The following LINGO2 variants were observed in gnomAD, a reference collection of about 807,000 sequenced individuals.
LINGO2 encodes leucine-rich repeat and immunoglobulin-like domain-containing nogo receptor-interacting protein 2.
LINGO2 carries 14 observed loss-of-function variants against 30.6 expected under a neutral mutation model. That is an observed-to-expected ratio of 0.46 (90% CI 0.30 to 0.72). The LOEUF is 0.72. Among genes scored for constraint, LINGO2 ranks in the 30% least tolerant of loss-of-function variants. The pLI, the probability that LINGO2 is intolerant of heterozygous loss-of-function variation, is 0.07. For synonymous variants in LINGO2, 317 were observed against 288.5 expected (o/e 1.10, Z -1.00); for missense variants, 729 against 751.7 (o/e 0.97, Z 0.35).
chr9:27,942,596 A>G, the LINGO2 span: 1 of 152,158 alleles, frequency 6.6e-6, no homozygotes, highest in Non-Finnish European at 1.5e-5. Flanking sequence ...TTGAAAACAA[A>G]AACTTTCAGG....
intron 5 of LINGO2, among the ~76,000 whole-genome samples, chr9:28,007,979 C>T (rs1353167003): frequency 6.6e-6 from 1 of 152,196 alleles, no homozygotes; most frequent in African/African-American, 2.4e-5. Context: ...GTGGCATCTT[C>T]CGCCGAGCTT....
intron 1 of LINGO2, among the ~76,000 whole-genome samples, chr9:28,491,502 G>T (rs1417556136): frequency 6.6e-6 from 1 of 152,080 alleles, no homozygotes; most frequent in Non-Finnish European, 1.5e-5. Flanking sequence ...CAGCATTTTT[G>T]GGTCACCAGT....
the LINGO2 span, among the ~76,000 whole-genome samples, chr9:29,103,040 C>T: frequency 1.3e-5 from 2 of 151,864 alleles, no homozygotes; most frequent in Admixed American, 6.6e-5. Context: ...CTTGAAGAAA[C>T]AAAACAACAG....
At chr9:28,405,569 A>G (rs1822471684) in intron 2 of LINGO2, among the ~76,000 whole-genome samples, 1 of 152,188 alleles carries the variant, frequency 6.6e-6, no homozygotes, top group African/African-American at 2.4e-5. Context: ...GATTTGTAGC[A>G]TTTACCACAT....
At chr9:28,869,991 T>C in the LINGO2 span, among the ~76,000 whole-genome samples, 1 of 151,902 alleles carries the variant, frequency 6.6e-6, no homozygotes, top group Non-Finnish European at 1.5e-5. Flanking sequence ...AATAAAAGTA[T>C]TAACAGTAAA....
the LINGO2 span, among the ~76,000 whole-genome samples, chr9:28,905,010 G>T: frequency 0.74 from 112,523 of 151,682 alleles, 41,866 homozygotes; most frequent in Non-Finnish European, 0.78. Flanking sequence ...GAGTTGCTAA[G>T]AACACACAAC....
the LINGO2 span, among the ~76,000 whole-genome samples, chr9:28,841,612 G>A: frequency 1.3e-5 from 2 of 151,286 alleles, no homozygotes; most frequent in Non-Finnish European, 2.9e-5. Context: ...AGATGACAAC[G>A]GCAATGAAAA....
At chr9:28,324,264 C>T (rs1825147137) in intron 3 of LINGO2, among the ~76,000 whole-genome samples, 1 of 152,104 alleles carries the variant, frequency 6.6e-6, no homozygotes, top group South Asian at 2.1e-4. Context: ...TATCCCTTCC[C>T]CAAATTTTAT....
chr9:27,999,292 T>A (rs1587652490), intron 5 of LINGO2, among the ~76,000 whole-genome samples: 2 of 151,972 alleles, frequency 1.3e-5, no homozygotes, highest in African/African-American at 4.8e-5. Flanking sequence ...ACAAAAATTA[T>A]AATGGAGGAA....
At chr9:28,756,318 G>A in the LINGO2 span, among the ~76,000 whole-genome samples, 6 of 151,938 alleles carry the variant, frequency 3.9e-5, no homozygotes, top group African/African-American at 1.2e-4. Flanking sequence ...ATTTGGAGCT[G>A]GAACATTAAC....
chr9:28,726,320 C>T, the LINGO2 span, among the ~76,000 whole-genome samples: 1 of 152,076 alleles, frequency 6.6e-6, no homozygotes, highest in African/African-American at 2.4e-5. Context: ...AGATCACCTG[C>T]TGAAGTGGGG....
the LINGO2 span, among the ~76,000 whole-genome samples, chr9:28,685,932 G>A: frequency 3.3e-5 from 5 of 151,634 alleles, no homozygotes; most frequent in South Asian, 1.0e-3. Context: ...ATATGAAGAC[G>A]AGTAGTGTGT....
Position 28,375,138 on chromosome 9 carries a change from A to C in LINGO2, c.-278-2270T>G, listed in dbSNP as rs1391059298. Among the ~76,000 whole-genome samples, 446 of 122,296 alleles carry C rather than the reference A, an allele frequency of 3.6e-3. 6 individuals carry two copies. The highest frequency in any genetic ancestry group is 4.2e-3 in the Non-Finnish European group (222 of 53,482). The allele number at this position is 122,296 out of a possible 152,430, so 80.2% of individuals were successfully genotyped here. ...CACACACACACACACACACACATAC[A>C]CCCCACACTAAGCTTCTCTCCACTC... On this transcript the variant is annotated intron_variant, in intron 2 of 5. Coordinates refer to ENST00000379992, the Ensembl canonical transcript of LINGO2.
chr9:29,132,111 A>G, the LINGO2 span, among the ~76,000 whole-genome samples: 6 of 151,958 alleles, frequency 3.9e-5, no homozygotes, highest in South Asian at 2.1e-4. Context: ...TTGATCCCCA[A>G]TAGGTAGGGA....
At chr9:28,540,813 A>C (rs557213630) in intron 1 of LINGO2, among the ~76,000 whole-genome samples, 4 of 152,316 alleles carry the variant, frequency 2.6e-5, no homozygotes, top group African/African-American at 9.6e-5. Context: ...ATTCTAGTTT[A>C]TTTGTATTTT....
the LINGO2 span, among the ~76,000 whole-genome samples, chr9:28,915,117 C>T: frequency 1.3e-5 from 2 of 151,854 alleles, no homozygotes; most frequent in Admixed American, 6.6e-5. Flanking sequence ...GGCGACAGAG[C>T]GAGACTCTGT....
chr9:28,119,319 G>GT (rs1233886273), intron 4 of LINGO2, among the ~76,000 whole-genome samples: 1 of 152,108 alleles, frequency 6.6e-6, no homozygotes, highest in Non-Finnish European at 1.5e-5. Flanking sequence ...TAGAGGTGGG[G>GT]TTTCACCACG....
intron 4 of LINGO2, among the ~76,000 whole-genome samples, chr9:28,248,134 T>C (rs550563046): frequency 6.6e-6 from 1 of 152,290 alleles, no homozygotes; most frequent in Admixed American, 6.5e-5. Context: ...GAAATCAGTA[T>C]ATCAAAGGGA....
chr9:28,318,402 A>G (rs1824920797), intron 3 of LINGO2, among the ~76,000 whole-genome samples: 1 of 152,212 alleles, frequency 6.6e-6, no homozygotes. Context: ...GTTTGGGAGA[A>G]GAAAATTAAT....
Sources: gnomAD v4.1 joint callset for allele counts (sites outside exome capture counted in the v4.1 genomes callset) on GRCh38, gnomAD v4.1.1 for gene constraint, MANE v1.5 for transcripts, NCBI Gene and HGNC (gene_info 2026-07-23, HGNC 2026-07-21) for gene names.